The following PCDHGB1 variants were observed in gnomAD, a reference collection of about 807,000 sequenced individuals.
PCDHGB1 encodes the protein protocadherin gamma subfamily B, 1, also known as protocadherin gamma-B1.
A neutral mutation model predicts 56.6 loss-of-function variants in PCDHGB1; 34 were observed. That is an observed-to-expected ratio of 0.60 (90% CI 0.46 to 0.80). PCDHGB1 has a LOEUF of 0.80. Ranked by LOEUF, PCDHGB1 falls within the 30% of genes least tolerant of loss-of-function variation. The pLI is 0.00. For missense variants in PCDHGB1, 1,278 were observed against 1,204.6 expected, an observed-to-expected ratio of 1.06 and a Z score of -0.90; for synonymous variants, 561 against 505.9, an observed-to-expected ratio of 1.11 and a Z score of -1.46.
chr5:141,482,661 T>G (rs1215403061), intron 1 of PCDHGB1, among the ~76,000 whole-genome samples: 1 of 151,742 alleles, frequency 6.6e-6, no homozygotes, highest in Non-Finnish European at 1.5e-5. Flanking sequence ...TGAGCTATGA[T>G]CTAAAGGTTG....
intron 1 of PCDHGB1, chr5:141,365,342 C>T (rs1206317970): frequency 2.5e-6 from 4 of 1,613,932 alleles, no homozygotes. Flanking sequence ...GGTCACAGTA[C>T]AGGACGTGAA....
chr5:141,372,259 G>A (rs1229622208), intron 1 of PCDHGB1: 9 of 1,613,108 alleles, frequency 5.6e-6, no homozygotes, highest in Non-Finnish European at 7.6e-6. Context: ...CTGGGCCTGC[G>A]CACGGGTGAG....
At chr5:141,390,138 CTA>C (rs770679519) in intron 1 of PCDHGB1, 6 of 1,613,938 alleles carry the variant, frequency 3.7e-6, no homozygotes, top group Non-Finnish European at 5.1e-6. Flanking sequence ...TTCCTACAAT[CTA>C]TGTGTTGCAC....
chr5:141,394,406 G>A (rs1359061127), intron 1 of PCDHGB1: 1 of 1,614,180 alleles, frequency 6.2e-7, no homozygotes, highest in South Asian at 1.1e-5. Flanking sequence ...TGCAGCTACT[G>A]GTAACAGCCA....
At chr5:141,503,230 G>A (rs911238781) in intron 2 of PCDHGB1, among the ~76,000 whole-genome samples, 1 of 152,006 alleles carries the variant, frequency 6.6e-6, no homozygotes, top group African/African-American at 2.4e-5. Context: ...CCGTAAAGAT[G>A]GACAGTTTCT....
intron 1 of PCDHGB1, chr5:141,441,396 C>T (rs2098244328): frequency 6.5e-6 from 1 of 154,724 alleles, no homozygotes; most frequent in Admixed American, 6.5e-5. Flanking sequence ...GGTATAACAT[C>T]AGCATCACTG....
At chr5:141,448,748 G>A (rs1476665217) in intron 1 of PCDHGB1, among the ~76,000 whole-genome samples, 1 of 151,980 alleles carries the variant, frequency 6.6e-6, no homozygotes, top group Admixed American at 6.6e-5. Context: ...AGACCATCCT[G>A]GCTAACACGG....
chr5:141,443,244 G>A (rs1277982376), intron 1 of PCDHGB1, among the ~76,000 whole-genome samples: 4 of 151,542 alleles, frequency 2.6e-5, no homozygotes, highest in African/African-American at 9.7e-5. Flanking sequence ...ACTTTGGGGC[G>A]CCAAGGCGGG....
At chr5:141,472,176 G>C (rs1416695177) in intron 1 of PCDHGB1, among the ~76,000 whole-genome samples, 3 of 152,144 alleles carry the variant, frequency 2.0e-5, no homozygotes, top group Non-Finnish European at 2.9e-5. Context: ...GTAATATCCA[G>C]TATTGGAATT....
rs368136545 is a variant in PCDHGB1, at chr5:141,356,944, G to A, written c.2409+4275G>A. ...TGGTGTGGAGCTGGCACCCCGCTCC[G>A]CAGATTCCGGCTACCTGGTGACCAA... On this transcript the variant is annotated intron_variant, in intron 1 of 3. Transcript: ENST00000523390. The A allele has an allele frequency of 6.2e-6, 10 of 1,614,090 alleles. No individual in the cohort carries two copies. In the South Asian group the frequency reaches 6.6e-5, roughly 11 times the overall value.
At chr5:141,370,272 A>T (rs1331315673) in intron 1 of PCDHGB1, 1 of 794,344 alleles carries the variant, frequency 1.3e-6, no homozygotes, top group Non-Finnish European at 1.9e-6. Context: ...TGCAGCGGAG[A>T]CACCCATTAG....
intron 1 of PCDHGB1, chr5:141,422,797 G>A (rs1037091316): frequency 2.5e-6 from 4 of 1,614,244 alleles, no homozygotes; most frequent in Non-Finnish European, 3.4e-6. Context: ...CTTCGACTAT[G>A]AGCAGTTTCG....
intron 1 of PCDHGB1, chr5:141,418,168 G>T (rs2096233804): frequency 6.2e-7 from 1 of 1,613,946 alleles, no homozygotes. Context: ...GAAGATGTGA[G>T]TTGCAATTGG....
intron 1 of PCDHGB1, chr5:141,374,478 G>C (rs781173070): frequency 6.2e-7 from 1 of 1,611,820 alleles, no homozygotes; most frequent in African/African-American, 1.3e-5. Flanking sequence ...AATACACCCC[G>C]ATTCTTAAAG....
rs1049831420 is a variant in PCDHGB1 at position 141,486,549 on chromosome 5, C to T, written c.2410-8258C>T. ...AATCCACCCTCTTTCTTTCAGAGGTCACATGAGGTGTTTGTTCCTGAGAAC... is the reference window on the plus strand; with the variant it reads ...AATCCACCCTCTTTCTTTCAGAGGTTACATGAGGTGTTTGTTCCTGAGAAC... On this transcript the variant is annotated intron_variant, in intron 1 of 3. Coordinates refer to ENST00000523390, the MANE Select transcript of PCDHGB1 (RefSeq NM_018922.3). This position sits in a 1 kb window ranked among gnomAD's most constrained non-coding sequence, Gnocchi z 5.0. The T allele has an allele frequency of 3.1e-6, 5 of 1,613,982 alleles. No individual in the cohort carries two copies. In the African/African-American group the frequency reaches 4.0e-5, roughly 13 times the overall value.
intron 1 of PCDHGB1, among the ~76,000 whole-genome samples, chr5:141,433,664 C>G (rs1027404017): frequency 6.6e-6 from 1 of 151,966 alleles, no homozygotes; most frequent in South Asian, 2.1e-4. Flanking sequence ...GGAGAAACCC[C>G]GTCTATACTA....
At chr5:141,469,552 C>T (rs956606902) in intron 1 of PCDHGB1, among the ~76,000 whole-genome samples, 3 of 151,910 alleles carry the variant, frequency 2.0e-5, no homozygotes, top group Non-Finnish European at 4.4e-5. Flanking sequence ...TCCAGCCTGG[C>T]GACAGAGTGA....
intron 1 of PCDHGB1, chr5:141,388,568 AC>A: frequency 6.2e-7 from 1 of 1,613,888 alleles, no homozygotes; most frequent in East Asian, 2.2e-5. Context: ...CTGCACAGAT[AC>A]ACGTTCTAGT....
intron 1 of PCDHGB1, among the ~76,000 whole-genome samples, chr5:141,466,994 T>C (rs944607423): frequency 6.6e-6 from 1 of 152,176 alleles, no homozygotes; most frequent in African/African-American, 2.4e-5. Flanking sequence ...CTTTTGGCAT[T>C]TTTTTGCAAT....
Sources: gnomAD v4.1 joint callset for allele counts (sites outside exome capture counted in the v4.1 genomes callset) on GRCh38, gnomAD v4.1.1 for gene constraint, Gnocchi (gnomAD v3.1) non-coding constraint, MANE v1.5 for transcripts, NCBI Gene and HGNC (gene_info 2026-07-23, HGNC 2026-07-21) for gene names.